The following LINGO2 variants were observed in gnomAD, a reference collection of about 807,000 sequenced individuals.
LINGO2 encodes the protein leucine rich repeat and Ig domain containing 2.
Under a neutral mutation model 30.6 loss-of-function variants are expected in LINGO2, and 14 were observed. The ratio of observed to expected loss-of-function variants is 0.46; its 90% CI spans 0.30 to 0.72. LINGO2 has a LOEUF of 0.72. Among genes scored for constraint, LINGO2 ranks in the 30% least tolerant of loss-of-function variants. LINGO2 has a pLI of 0.07. For missense variants in LINGO2, 729 were observed against 751.7 expected (o/e 0.97, Z 0.35); for synonymous variants, 317 against 288.5 (o/e 1.10, Z -1.00).
chr9:28,173,139 T>TTA (rs546178959), intron 4 of LINGO2, among the ~76,000 whole-genome samples: 146 of 151,942 alleles, frequency 9.6e-4, no homozygotes, highest in Non-Finnish European at 1.6e-3. Context: ...TCAAGGTCTG[T>TTA]TATATATATA....
In LINGO2 at chr9:28,350,844, C is replaced by A. The variant is rs1304753379; in HGVS notation, c.-246+21992G>T. 4.0e-5 allele frequency among the ~76,000 whole-genome samples: 6 copies of A among 151,890 alleles called. No individual in the cohort carries two copies. In the East Asian group the frequency reaches 1.2e-3, roughly 29 times the overall value. ...CAAACTAGAACTCAGGATTAAGAAT[C>A]TCACTCAAAACCGCTCAAATACATG... On this transcript the variant is annotated intron_variant, in intron 3 of 5. Coordinates refer to ENST00000379992, the Ensembl canonical transcript of LINGO2.
chr9:29,151,309 A>T, the LINGO2 span, among the ~76,000 whole-genome samples: 1 of 152,176 alleles, frequency 6.6e-6, no homozygotes, highest in Non-Finnish European at 1.5e-5. Flanking sequence ...AACACACTTA[A>T]GCACATAGCA....
chr9:29,138,787 C>T, the LINGO2 span, among the ~76,000 whole-genome samples: 1 of 152,064 alleles, frequency 6.6e-6, no homozygotes, highest in African/African-American at 2.4e-5. Context: ...ACTAATGCGT[C>T]ATATAATTCT....
the LINGO2 span, among the ~76,000 whole-genome samples, chr9:28,743,679 A>T: frequency 6.6e-6 from 1 of 151,834 alleles, no homozygotes; most frequent in Non-Finnish European, 1.5e-5. Context: ...AATAAATTGA[A>T]CTGCCCTCTA....
chr9:29,007,943 A>G, the LINGO2 span, among the ~76,000 whole-genome samples: 1 of 152,118 alleles, frequency 6.6e-6, no homozygotes, highest in Non-Finnish European at 1.5e-5. Context: ...TTTTTAAATT[A>G]TACTTTAAGT....
At chr9:28,061,507 T>C (rs1587793720) in intron 4 of LINGO2, among the ~76,000 whole-genome samples, 1 of 152,030 alleles carries the variant, frequency 6.6e-6, no homozygotes, top group Admixed American at 6.6e-5. Flanking sequence ...GATTCTTTTT[T>C]TTTGTTTTAA....
At chr9:28,553,974 G>A (rs1241496779) in intron 1 of LINGO2, among the ~76,000 whole-genome samples, 4 of 152,044 alleles carry the variant, frequency 2.6e-5, no homozygotes, top group African/African-American at 4.8e-5. Context: ...CACCAGGCCT[G>A]CCCTAAAAGA....
intron 1 of LINGO2, among the ~76,000 whole-genome samples, chr9:28,505,427 T>G (rs1437840249): frequency 1.3e-5 from 2 of 151,942 alleles, no homozygotes; most frequent in East Asian, 3.8e-4. Flanking sequence ...TGTTGGATAT[T>G]GTTTATAACA....
the LINGO2 span, chr9:28,863,634 T>C: frequency 2.0e-6 from 1 of 512,572 alleles, no homozygotes; most frequent in Non-Finnish European, 4.0e-6. Flanking sequence ...TGTGAAGCAC[T>C]ATGAATTACT....
the LINGO2 span, among the ~76,000 whole-genome samples, chr9:29,169,351 ATC>A: frequency 6.6e-6 from 1 of 152,302 alleles, no homozygotes; most frequent in South Asian, 2.1e-4. Flanking sequence ...GTATGCAGTA[ATC>A]AAAGGTGATA....
chr9:29,025,253 A>G, the LINGO2 span, among the ~76,000 whole-genome samples: 6 of 152,292 alleles, frequency 3.9e-5, no homozygotes, highest in East Asian at 1.2e-3. Context: ...AACACTGCAA[A>G]GTATCACATC....
rs377245843 is a variant in LINGO2 at position 28,406,870 on chromosome 9, A to G, written c.-278-34002T>C. ...TTGGTCCAGGTAAAAGAAATTTCCA[A>G]CTGCATTGTGCTACTGATACTTGGC... On this transcript the variant is annotated intron_variant, in intron 2 of 5. Coordinates refer to ENST00000379992, the Ensembl canonical transcript of LINGO2. 7.2e-5 allele frequency among the ~76,000 whole-genome samples: 11 copies of G among 152,292 alleles called. No individual in the cohort carries two copies. The East Asian group carries it at 9.7e-4, about 13-fold the overall frequency.
At chr9:29,166,390 T>A in the LINGO2 span, among the ~76,000 whole-genome samples, 1 of 152,086 alleles carries the variant, frequency 6.6e-6, no homozygotes, top group Non-Finnish European at 1.5e-5. Context: ...TAGAGGTATA[T>A]AGAGAGAAAG....
intron 4 of LINGO2, among the ~76,000 whole-genome samples, chr9:28,157,044 C>G (rs1828150889): frequency 6.6e-6 from 1 of 152,168 alleles, no homozygotes; most frequent in Non-Finnish European, 1.5e-5. Context: ...TTCTGGAGGA[C>G]AGTGGCCCTC....
chr9:28,254,731 A>G lies in LINGO2; in HGVS notation c.-87+40477T>C, dbSNP rs375105999. On this transcript the variant is annotated intron_variant, in intron 4 of 5. Coordinates refer to ENST00000379992, the Ensembl canonical transcript of LINGO2. ...TCAGAAGGCTCTCACTCAAACAACCATTTTTTAAGCAACCAATAGAAATAC... is the reference window on the plus strand; with the variant it reads ...TCAGAAGGCTCTCACTCAAACAACCGTTTTTTAAGCAACCAATAGAAATAC... Among the ~76,000 whole-genome samples the G allele has an allele frequency of 5.3e-5, 8 of 152,182 alleles. No homozygotes were observed. The East Asian group carries it at 9.7e-4, about 18-fold the overall frequency.
chr9:28,235,488 G>T (rs959495348), intron 4 of LINGO2, among the ~76,000 whole-genome samples: 6 of 152,074 alleles, frequency 3.9e-5, no homozygotes, highest in Non-Finnish European at 8.8e-5. Context: ...CTCATCAAAT[G>T]AATTAAACAA....
In LINGO2 at chr9:28,308,161, C is replaced by T. The variant is rs1397597053; in HGVS notation, c.-245-12795G>A. On this transcript the variant is annotated intron_variant, in intron 3 of 5. Transcript: ENST00000379992. ...CAAAAGAACAAAGCTGGAGGCATCA[C>T]GCTACCTGACTTCAAAGTATACTAC... Among the ~76,000 whole-genome samples, 49 of 130,508 alleles carry T rather than the reference C, an allele frequency of 3.8e-4. 6 individuals carry two copies. The highest frequency in any genetic ancestry group is 9.3e-4 in the African/African-American group (36 of 38,880). 85.6% of individuals were successfully genotyped at this position (130,508 alleles called of 152,430 possible).
At position 28,088,203 on chromosome 9, in the gene LINGO2, TACACACACACACAC is replaced by T. The variant is rs56044203; in HGVS notation, c.-86-75812_-86-75799del. On this transcript the variant is annotated intron_variant, in intron 4 of 5. Transcript: ENST00000379992. The stretch of plus-strand genomic sequence containing the variant: ...AAATAAGATTATATATATATAATTA[TACACACACACACAC>T]ACACACACACACACACACACATATA... 5.2e-3 allele frequency among the ~76,000 whole-genome samples: 775 copies of T among 148,614 alleles called. 7 individuals carry two copies. Among genetic ancestry groups the T allele is most frequent in the African/African-American group, 0.018 (728 of 40,530 alleles).
intron 4 of LINGO2, among the ~76,000 whole-genome samples, chr9:28,214,756 A>G (rs1820707291): frequency 6.6e-6 from 1 of 151,726 alleles, no homozygotes; most frequent in Admixed American, 6.6e-5. Context: ...ATGCTCTGCA[A>G]GTAGAGCCAA....
Sources: gnomAD v4.1 joint callset for allele counts (sites outside exome capture counted in the v4.1 genomes callset) on GRCh38, gnomAD v4.1.1 for gene constraint, MANE v1.5 for transcripts, NCBI Gene and HGNC (gene_info 2026-07-23, HGNC 2026-07-21) for gene names.